DDX10: variants seen among roughly 807,000 people sequenced by gnomAD.
DDX10 encodes the protein probable ATP-dependent RNA helicase DDX10.
DDX10 carries 74 observed loss-of-function variants against 104.3 expected under a neutral mutation model. The observed-to-expected ratio is 0.71, with a 90% CI of 0.59 to 0.86. The LOEUF is 0.86. Among genes scored for constraint, DDX10 ranks in the 40% least tolerant of loss-of-function variants. The pLI is 0.00. For missense variants in DDX10, 952 were observed against 1,040.0 expected (o/e 0.92, Z 1.16); for synonymous variants, 351 against 353.4 (o/e 0.99, Z 0.08).
chr11:108,667,442 A>G (rs975712436), intron 1 of DDX10, among the ~76,000 whole-genome samples: 3 of 152,210 alleles, frequency 2.0e-5, no homozygotes, highest in Non-Finnish European at 4.4e-5. Flanking sequence ...CAGCGTGTCA[A>G]CATGTTCTAG....
intron 1 of DDX10, among the ~76,000 whole-genome samples, chr11:108,665,573 C>G (rs117837389): frequency 8.5e-5 from 13 of 152,098 alleles, no homozygotes; most frequent in East Asian, 7.7e-4. Flanking sequence ...GGTAGGGAGA[C>G]TAATGCTGTA....
At position 108,668,483 on chromosome 11, in the gene DDX10, G is replaced by T. The variant is rs536805967; in HGVS notation, c.186+3144G>T. ...ATGCAGTGTGAAATCAGTTGTCAAG[G>T]TTAGCAATACTAGGATATAATTATT... On this transcript the variant is annotated intron_variant, in intron 1 of 17. Coordinates refer to ENST00000322536, the MANE Select transcript of DDX10 (RefSeq NM_004398.4). 1.3e-3 allele frequency among the ~76,000 whole-genome samples: 205 copies of T among 152,246 alleles called. 2 individuals carry two copies. The highest frequency in any genetic ancestry group is 4.7e-3 in the African/African-American group (197 of 41,524).
At chr11:108,931,900 T>TA (rs1483864920) in intron 17 of DDX10, among the ~76,000 whole-genome samples, 1 of 150,942 alleles carries the variant, frequency 6.6e-6, no homozygotes, top group African/African-American at 2.5e-5. Context: ...ACCAGTCAAA[T>TA]AACCCTCTAA....
intron 13 of DDX10, among the ~76,000 whole-genome samples, chr11:108,824,539 T>C (rs1056398255): frequency 6.6e-6 from 1 of 152,212 alleles, no homozygotes; most frequent in African/African-American, 2.4e-5. Context: ...GATGAGAAAT[T>C]GATATAGCCA....
At chr11:108,937,025 G>A (rs930888144) in intron 17 of DDX10, among the ~76,000 whole-genome samples, 5 of 152,152 alleles carry the variant, frequency 3.3e-5, no homozygotes, top group East Asian at 1.9e-4. Context: ...GATAATTGGC[G>A]CTTTTCCAAT....
chr11:108,908,045 C>T (rs994109820), intron 16 of DDX10, among the ~76,000 whole-genome samples: 2 of 152,150 alleles, frequency 1.3e-5, no homozygotes, highest in African/African-American at 4.8e-5. Flanking sequence ...TAAATACATA[C>T]TCACTTTCAG....
At chr11:108,797,609 T>C (rs1288792795) in intron 13 of DDX10, among the ~76,000 whole-genome samples, 1 of 152,230 alleles carries the variant, frequency 6.6e-6, no homozygotes, top group Non-Finnish European at 1.5e-5. Flanking sequence ...AGTTATAATT[T>C]CATTTACAAA....
At chr11:108,736,911 G>A (rs1006889242) in intron 13 of DDX10, among the ~76,000 whole-genome samples, 1 of 152,184 alleles carries the variant, frequency 6.6e-6, no homozygotes, top group Non-Finnish European at 1.5e-5. Context: ...TACCCCTAAA[G>A]GGAAGGAAGA....
At chr11:108,934,440 A>G (rs963098500) in intron 17 of DDX10, among the ~76,000 whole-genome samples, 7 of 152,228 alleles carry the variant, frequency 4.6e-5, no homozygotes, top group Admixed American at 2.6e-4. Context: ...GCTAAAATGC[A>G]TATTTTTAAG....
chr11:108,858,395 G>A (rs932088174), intron 16 of DDX10, among the ~76,000 whole-genome samples: 2 of 152,104 alleles, frequency 1.3e-5, no homozygotes, highest in Non-Finnish European at 2.9e-5. Flanking sequence ...GTAGATATTT[G>A]AATCAGTGAA....
At chr11:108,667,714 G>A (rs892393812) in intron 1 of DDX10, among the ~76,000 whole-genome samples, 4 of 152,180 alleles carry the variant, frequency 2.6e-5, no homozygotes. Context: ...CCTGGTACTT[G>A]ATGTTTCCAC....
intron 13 of DDX10, among the ~76,000 whole-genome samples, chr11:108,728,660 G>A (rs2094308269): frequency 6.6e-6 from 1 of 151,910 alleles, no homozygotes; most frequent in African/African-American, 2.4e-5. Context: ...GACTTCAGGT[G>A]TATGCTACCA....
chr11:108,666,019 C>T (rs1229067694), intron 1 of DDX10, among the ~76,000 whole-genome samples: 1 of 152,164 alleles, frequency 6.6e-6, no homozygotes, highest in East Asian at 1.9e-4. Context: ...ATGAGTATAC[C>T]TGTAATGATC....
At chr11:108,732,790 A>G (rs2094313858) in intron 13 of DDX10, among the ~76,000 whole-genome samples, 1 of 152,226 alleles carries the variant, frequency 6.6e-6, no homozygotes, top group Non-Finnish European at 1.5e-5. Context: ...GTGTTCAGAA[A>G]GTTGACCTCC....
chr11:108,812,203 C>T (rs566019890), intron 13 of DDX10, among the ~76,000 whole-genome samples: 1 of 152,250 alleles, frequency 6.6e-6, no homozygotes, highest in African/African-American at 2.4e-5. Flanking sequence ...ACAACAAAAT[C>T]AATAACTAAG....
At chr11:108,763,232 G>C (rs186432396) in intron 13 of DDX10, among the ~76,000 whole-genome samples, 16 of 152,266 alleles carry the variant, frequency 1.1e-4, no homozygotes, top group Middle Eastern at 3.4e-3. Context: ...CGCTGTAGCA[G>C]TAATATTGAG....
intron 13 of DDX10, among the ~76,000 whole-genome samples, chr11:108,785,428 A>G (rs1356630919): frequency 2.0e-5 from 3 of 152,042 alleles, no homozygotes; most frequent in Admixed American, 1.3e-4. Flanking sequence ...TATGTCTGCT[A>G]GATTTTGGTA....
In DDX10 at chr11:108,852,056, T is replaced by A. The variant is rs1862800296; in HGVS notation, c.2248-97T>A. On this transcript the variant is annotated intron_variant, in intron 15 of 17. Transcript: ENST00000322536. ...TATTTGTTGAAAAATGAATGTCATA[T>A]ATTAGTTAGCTTTAGGAAATAAAAC... is the stretch of plus-strand genomic sequence containing the variant. The A allele has an allele frequency of 3.2e-6, 3 of 926,798 alleles. No individual in the cohort carries two copies. The African/African-American group carries it at 5.1e-5, about 16-fold the overall frequency. The allele number at this position is 926,798 out of a possible 1,614,324, so 57.4% of individuals were successfully genotyped here.
chr11:108,900,886 A>G (rs2134648433), intron 16 of DDX10, among the ~76,000 whole-genome samples: 1 of 152,288 alleles, frequency 6.6e-6, no homozygotes, highest in South Asian at 2.1e-4. Context: ...TCTACCTTGT[A>G]TGTGCCTACA....
Sources: allele counts gnomAD v4.1 joint callset (sites outside exome capture counted in the v4.1 genomes callset), GRCh38; gene constraint gnomAD v4.1.1; transcripts MANE v1.5; gene names NCBI Gene and HGNC (gene_info 2026-07-23, HGNC 2026-07-21).